TACC2: variants seen among roughly 807,000 people sequenced by gnomAD.
TACC2 encodes the protein transforming acidic coiled-coil containing protein 2, also known as transforming acidic coiled-coil-containing protein 2.
In TACC2, 137 loss-of-function variants were observed where a neutral mutation model predicts 227.3. The observed-to-expected ratio is 0.60, with a 90% confidence interval of 0.52 to 0.69. TACC2 has a LOEUF of 0.69. Ranked by LOEUF, TACC2 falls within the 30% of genes least tolerant of loss-of-function variation. The probability of loss-of-function intolerance (pLI) is 0.00; values close to 1 mark genes in which losing one functional copy is unlikely to be tolerated. For synonymous variants in TACC2, 1,523 were observed against 1,487.5 expected (o/e 1.02, Z -0.55); for missense variants, 3,470 against 3,694.4 (o/e 0.94, Z 1.57).
intron 7 of TACC2, among the ~76,000 whole-genome samples, chr10:122,158,888 T>C (rs970722870): frequency 2.6e-5 from 4 of 152,178 alleles, no homozygotes; most frequent in African/African-American, 7.2e-5. Context: ...CAGGACCTTC[T>C]CCCCATCCTC....
chr10:122,237,686 C>G (rs2095884452), intron 17 of TACC2, 148 bp downstream of exon 17: 1 of 1,084,268 alleles, frequency 9.2e-7, no homozygotes, highest in Non-Finnish European at 1.3e-6. Flanking sequence ...TTTTGATCTT[C>G]CTAGACGCTA....
intron 7 of TACC2, among the ~76,000 whole-genome samples, chr10:122,191,358 A>G (rs1443750326): frequency 6.6e-6 from 1 of 152,202 alleles, no homozygotes; most frequent in Non-Finnish European, 1.5e-5. Context: ...AGTATATTCA[A>G]CAAATGCTGG....
intron 7 of TACC2, among the ~76,000 whole-genome samples, chr10:122,178,297 C>T (rs570941308): frequency 7.6e-5 from 11 of 145,548 alleles, no homozygotes; most frequent in Admixed American, 2.1e-4. Flanking sequence ...AGTGCAGTGT[C>T]GTGATCTTTG....
At chr10:122,187,942 T>G (rs948820898) in intron 7 of TACC2, among the ~76,000 whole-genome samples, 1 of 152,150 alleles carries the variant, frequency 6.6e-6, no homozygotes, top group Non-Finnish European at 1.5e-5. Flanking sequence ...TAAGGTCATG[T>G]GCTTGTCAAG....
chr10:122,238,121 G>C (rs2095897273), intron 18 of TACC2, 84 bp downstream of exon 18: 19 of 1,074,120 alleles, frequency 1.8e-5, no homozygotes, highest in Non-Finnish European at 2.3e-5. Flanking sequence ...GTGGTCCACA[G>C]AAGAGTGTCT....
chr10:122,236,936 A>C (rs1277763227), intron 16 of TACC2, among the ~76,000 whole-genome samples: 3 of 152,226 alleles, frequency 2.0e-5, no homozygotes, highest in African/African-American at 7.2e-5. Context: ...CCAAAATGGA[A>C]ATGTAAACAG....
chr10:121,991,622 T>G (rs1378578000), intron 1 of TACC2, among the ~76,000 whole-genome samples: 2 of 152,258 alleles, frequency 1.3e-5, no homozygotes, highest in Non-Finnish European at 2.9e-5. Flanking sequence ...TGTTGCTGTA[T>G]GGTGGCACCA....
intron 3 of TACC2, among the ~76,000 whole-genome samples, chr10:122,064,064 A>G (rs1299955035): frequency 1.3e-5 from 2 of 152,214 alleles, no homozygotes; most frequent in East Asian, 3.9e-4. Flanking sequence ...TGGGAGGCTG[A>G]GGCAGAAGAA....
At chr10:122,075,653 C>A (rs755477740) in intron 3 of TACC2, among the ~76,000 whole-genome samples, 1 of 152,212 alleles carries the variant, frequency 6.6e-6, no homozygotes, top group African/African-American at 2.4e-5. Context: ...GTCCTCGAAT[C>A]CTCTCATCTC....
At chr10:122,186,749 G>A (rs1487131996) in intron 7 of TACC2, among the ~76,000 whole-genome samples, 4 of 152,168 alleles carry the variant, frequency 2.6e-5, no homozygotes, top group African/African-American at 9.7e-5. Flanking sequence ...CTGGCCTCAA[G>A]TGATCTGCCC....
intron 3 of TACC2, among the ~76,000 whole-genome samples, chr10:122,068,944 C>T (rs963147062): frequency 2.1e-5 from 3 of 139,570 alleles, no homozygotes; most frequent in Non-Finnish European, 3.1e-5. Flanking sequence ...GTGATCCACC[C>T]GCCTCAGCCT....
chr10:121,989,523 G>A (rs1216131481), intron 1 of TACC2, 35 bp downstream of exon 1: 1 of 152,098 alleles, frequency 6.6e-6, no homozygotes, highest in Non-Finnish European at 1.5e-5. Context: ...AAATGAAGTT[G>A]GCTCTGATTC....
chr10:122,058,702 C>T (rs986026923), intron 3 of TACC2, among the ~76,000 whole-genome samples: 10 of 152,132 alleles, frequency 6.6e-5, no homozygotes, highest in Non-Finnish European at 1.0e-4. Context: ...GCCACCGTGC[C>T]TGGCCACTGC....
At chr10:121,995,022 C>T (rs895339286) in intron 1 of TACC2, among the ~76,000 whole-genome samples, 7 of 152,152 alleles carry the variant, frequency 4.6e-5, no homozygotes. Context: ...TGATTCTGCC[C>T]ATCACAAATT....
intron 16 of TACC2, among the ~76,000 whole-genome samples, chr10:122,234,482 C>A (rs1330968147): frequency 6.6e-6 from 1 of 152,200 alleles, no homozygotes; most frequent in Non-Finnish European, 1.5e-5. Flanking sequence ...AATGTCTGAT[C>A]TTAAAATATC....
chr10:122,007,089 C>T (rs897275085), intron 1 of TACC2, among the ~76,000 whole-genome samples: 4 of 151,920 alleles, frequency 2.6e-5, no homozygotes, highest in African/African-American at 4.8e-5. Flanking sequence ...CTCAAACTCC[C>T]GACCTTAGGT....
At chr10:122,013,031 C>G (rs1350535724) in intron 1 of TACC2, among the ~76,000 whole-genome samples, 1 of 152,146 alleles carries the variant, frequency 6.6e-6, no homozygotes, top group Non-Finnish European at 1.5e-5. Context: ...CAGAGTCCCC[C>G]AACATCTGAA....
In TACC2 at chr10:122,050,309, C is replaced by A; in HGVS notation, c.34-129C>A. The A allele has an allele frequency of 1.4e-6, 1 of 703,826 alleles. No homozygotes were observed. The highest frequency in any genetic ancestry group is 2.7e-5 in the East Asian group (1 of 36,984). The allele number at this position is 703,826 out of a possible 1,614,324, so 43.6% of individuals were successfully genotyped here. A position where few individuals can be genotyped will look rare whatever the true frequency, so the allele number is the denominator to read the frequency against. On this transcript the variant is annotated intron_variant, in intron 2 of 22. Coordinates refer to ENST00000369005, the MANE Select transcript of TACC2 (RefSeq NM_206862.4). The surrounding 1 kb of genome is among the most constrained non-coding windows in gnomAD (Gnocchi z 4.6). ...TCAGTGCCGCACATAGTAGGTGTTT[C>A]GTTGGACGGCAGAGCAAGTGAACAA...
chr10:122,151,234 A>G (rs573026599), intron 7 of TACC2, among the ~76,000 whole-genome samples: 2 of 152,298 alleles, frequency 1.3e-5, no homozygotes, highest in African/African-American at 4.8e-5. Context: ...AAACTCTCCA[A>G]TAGAGCTGAG....
Sources: gnomAD v4.1 joint callset for allele counts (sites outside exome capture counted in the v4.1 genomes callset) on GRCh38, gnomAD v4.1.1 for gene constraint, Gnocchi (gnomAD v3.1) non-coding constraint, MANE v1.5 for transcripts, NCBI Gene and HGNC (gene_info 2026-07-23, HGNC 2026-07-21) for gene names.